Variants in MYLK observed in about 807,000 individuals in gnomAD.
MYLK encodes the protein myosin light chain kinase, smooth muscle.
MYLK carries 106 observed loss-of-function variants against 203.4 expected under a neutral mutation model. The ratio of observed to expected loss-of-function variants is 0.52; its 90% CI spans 0.45 to 0.61. The LOEUF (loss-of-function observed/expected upper bound fraction) is 0.61, where lower values mean the gene tolerates loss of function less well. Ranked by LOEUF, MYLK falls within the 20% of genes least tolerant of loss-of-function variation. The pLI is 0.00. For synonymous variants in MYLK, 867 were observed against 959.5 expected (o/e 0.90, Z 1.78); for missense variants, 2,072 against 2,442.3 (o/e 0.85, Z 3.20).
At chr3:123,771,798 T>C (rs2063892977) in intron 4 of MYLK, among the ~76,000 whole-genome samples, 1 of 152,212 alleles carries the variant, frequency 6.6e-6, no homozygotes, top group African/African-American at 2.4e-5. Flanking sequence ...AGTTGGCAAA[T>C]TCATCTAACA....
Position 123,737,382 on chromosome 3 carries a change from G to GA in MYLK, c.749dup (p.Gln251ProfsTer8). 1 of 1,614,144 alleles carries GA rather than the reference G, an allele frequency of 6.2e-7. No homozygotes were observed. The highest frequency in any genetic ancestry group is 8.5e-7 in the Non-Finnish European group (1 of 1,180,024). ...TAGCCGTCCACTGGTCGATACCTTGGATGGAAAGTTCAGCTGACATCGAGG... is the reference window on the plus strand; with the variant it reads ...TAGCCGTCCACTGGTCGATACCTTGGAATGGAAAGTTCAGCTGACATCGAGG... On this transcript the variant is annotated frameshift_variant, in exon 8 of 34. Coordinates refer to ENST00000360304, the MANE Select transcript of MYLK (RefSeq NM_053025.4). LOFTEE classifies it high-confidence loss of function.
At chr3:123,858,102 C>T (rs1177626823) in intron 2 of MYLK, among the ~76,000 whole-genome samples, 1 of 152,184 alleles carries the variant, frequency 6.6e-6, no homozygotes, top group African/African-American at 2.4e-5. Context: ...CTTGCTGCTG[C>T]TCCTGCTACA....
intron 4 of MYLK, among the ~76,000 whole-genome samples, chr3:123,773,042 A>G (rs1157331912): frequency 6.6e-6 from 1 of 152,134 alleles, no homozygotes; most frequent in Non-Finnish European, 1.5e-5. Context: ...GGAATTATCA[A>G]AGATGTCCAT....
intron 28 of MYLK, among the ~76,000 whole-genome samples, chr3:123,639,439 G>A (rs1434801340): frequency 2.6e-5 from 4 of 152,162 alleles, no homozygotes; most frequent in African/African-American, 7.2e-5. Flanking sequence ...CTACCTGCAG[G>A]GTGGTGAAAT....
chr3:123,800,415 C>T (rs948464908), intron 3 of MYLK, among the ~76,000 whole-genome samples: 2 of 151,982 alleles, frequency 1.3e-5, no homozygotes, highest in African/African-American at 4.8e-5. Flanking sequence ...CTGAAGAAGC[C>T]CTGTTTATGA....
At chr3:123,808,001 T>A (rs1326919352) in intron 3 of MYLK, among the ~76,000 whole-genome samples, 1 of 152,216 alleles carries the variant, frequency 6.6e-6, no homozygotes, top group Non-Finnish European at 1.5e-5. Flanking sequence ...CAGCTGTGGA[T>A]GAGAAACAAT....
At chr3:123,631,956 G>GC (rs1222564131) in intron 29 of MYLK, among the ~76,000 whole-genome samples, 7 of 150,842 alleles carry the variant, frequency 4.6e-5, no homozygotes, top group African/African-American at 1.7e-4. Context: ...TGCAAGCTCT[G>GC]CCCCCTGGGT....
chr3:123,741,996 C>T (rs2062869876), intron 5 of MYLK, among the ~76,000 whole-genome samples: 1 of 152,192 alleles, frequency 6.6e-6, no homozygotes, highest in Non-Finnish European at 1.5e-5. Flanking sequence ...TCAGTAGTAT[C>T]TGACACAAGG....
chr3:123,811,763 A>G (rs1298900285), intron 3 of MYLK, among the ~76,000 whole-genome samples: 2 of 152,098 alleles, frequency 1.3e-5, no homozygotes, highest in African/African-American at 4.8e-5. Context: ...GTGCCAGAAC[A>G]TTTTCTTTCA....
intron 20 of MYLK, among the ~76,000 whole-genome samples, chr3:123,671,328 T>G (rs577689475): frequency 2.7e-4 from 41 of 152,266 alleles, no homozygotes; most frequent in Admixed American, 2.6e-3. Flanking sequence ...GCCATTAGAA[T>G]GGAAACCTTG....
intron 20 of MYLK, among the ~76,000 whole-genome samples, chr3:123,673,958 A>ACT (rs2059996843): frequency 6.6e-6 from 1 of 152,118 alleles, no homozygotes; most frequent in Non-Finnish European, 1.5e-5. Flanking sequence ...CCTTCCTGGT[A>ACT]GAGCACTGCC....
intron 23 of MYLK, among the ~76,000 whole-genome samples, chr3:123,662,624 T>A (rs1361725029): frequency 6.6e-6 from 1 of 152,190 alleles, no homozygotes; most frequent in Non-Finnish European, 1.5e-5. Flanking sequence ...TCTAGATACT[T>A]CCATAAGAGA....
intron 13 of MYLK, 62 bp from the exon 14 acceptor site, chr3:123,709,955 T>G: frequency 6.2e-7 from 1 of 1,601,066 alleles, no homozygotes; most frequent in Non-Finnish European, 8.5e-7. Context: ...AAACACAGAC[T>G]AAATGACCAC....
intron 2 of MYLK, among the ~76,000 whole-genome samples, chr3:123,864,346 T>A (rs886284192): frequency 3.9e-5 from 6 of 152,346 alleles, no homozygotes; most frequent in Admixed American, 6.5e-5. Flanking sequence ...AAATAAGTTT[T>A]ACCTCAAAAG....
chr3:123,846,833 G>A (rs1216477998), intron 2 of MYLK, among the ~76,000 whole-genome samples: 1 of 146,286 alleles, frequency 6.8e-6, no homozygotes, highest in African/African-American at 2.5e-5. Flanking sequence ...AAATATTCTT[G>A]TGTACTTTTT....
intron 5 of MYLK, among the ~76,000 whole-genome samples, chr3:123,749,765 T>C (rs1401832036): frequency 6.6e-6 from 1 of 152,228 alleles, no homozygotes; most frequent in Non-Finnish European, 1.5e-5. Flanking sequence ...GAAAAGGAAG[T>C]AAGGCTTAGG....
intron 29 of MYLK, among the ~76,000 whole-genome samples, chr3:123,636,118 C>A (rs932288595): frequency 1.4e-4 from 21 of 152,162 alleles, no homozygotes; most frequent in Non-Finnish European, 2.5e-4. Flanking sequence ...AGAGGTTACA[C>A]AGGTGAAAAC....
At chr3:123,778,512 CAAAAAAAA>C (rs5852365) in intron 4 of MYLK, among the ~76,000 whole-genome samples, 2 of 98,156 alleles carry the variant, frequency 2.0e-5, no homozygotes, top group African/African-American at 6.5e-5. Context: ...GACTCTGCCT[CAAAAAAAA>C]AAAAAAAAAA....
chr3:123,618,894 T>C, intron 32 of MYLK, 124 bp from the exon 33 acceptor site: 1 of 1,303,842 alleles, frequency 7.7e-7, no homozygotes, highest in East Asian at 2.4e-5. Context: ...CTTTGAGAAC[T>C]GAATCATAAG....
Sources: allele counts gnomAD v4.1 joint callset (sites outside exome capture counted in the v4.1 genomes callset), GRCh38; gene constraint gnomAD v4.1.1; transcripts MANE v1.5; gene names NCBI Gene and HGNC (gene_info 2026-07-23, HGNC 2026-07-21).